The following KCTD8 variants were observed in gnomAD, a reference collection of about 807,000 sequenced individuals.
KCTD8 encodes BTB/POZ domain-containing protein KCTD8.
In KCTD8, 27 loss-of-function variants were observed where a neutral mutation model predicts 31.5. The ratio of observed to expected loss-of-function variants is 0.86; its 90% confidence interval spans 0.63 to 1.18. The LOEUF is 1.18. Among genes scored for constraint, KCTD8 ranks in the 50% most tolerant of loss-of-function variants. KCTD8 has a pLI of 0.00. For synonymous variants in KCTD8, 290 were observed against 280.0 expected, an observed-to-expected ratio of 1.04 and a Z score of -0.36; for missense variants, 658 against 647.7, an observed-to-expected ratio of 1.02 and a Z score of -0.17.
chr4:44,235,578 T>TGAG, intron 1 of KCTD8, among the ~76,000 whole-genome samples: 1 of 64,120 alleles, frequency 1.6e-5, no homozygotes, highest in Non-Finnish European at 3.3e-5. Context: ...TATATATATT[T>TGAG]AGAGAGAGAG....
At chr4:44,205,523 G>A (rs1425812491) in intron 1 of KCTD8, among the ~76,000 whole-genome samples, 1 of 151,806 alleles carries the variant, frequency 6.6e-6, no homozygotes, top group African/African-American at 2.4e-5. Flanking sequence ...TGTACTGGAA[G>A]TAACTGTAAA....
chr4:44,216,884 C>G (rs1714665110), intron 1 of KCTD8, among the ~76,000 whole-genome samples: 1 of 151,964 alleles, frequency 6.6e-6, no homozygotes, highest in Admixed American at 6.6e-5. Context: ...CTATACACTT[C>G]AAAAGTTAAT....
intron 1 of KCTD8, among the ~76,000 whole-genome samples, chr4:44,302,641 A>G (rs1163409628): frequency 2.0e-5 from 3 of 151,894 alleles, no homozygotes; most frequent in Non-Finnish European, 2.9e-5. Flanking sequence ...GGTTTTCTAG[A>G]TATACAATCA....
intron 1 of KCTD8, among the ~76,000 whole-genome samples, chr4:44,281,348 T>C (rs1225282000): frequency 6.6e-6 from 1 of 152,148 alleles, no homozygotes; most frequent in African/African-American, 2.4e-5. Flanking sequence ...ATGGCTTCCA[T>C]TTCATAAAGT....
At chr4:44,211,677 T>C (rs1046143196) in intron 1 of KCTD8, among the ~76,000 whole-genome samples, 4 of 152,136 alleles carry the variant, frequency 2.6e-5, no homozygotes, top group African/African-American at 9.6e-5. Context: ...CTGTAGAGTA[T>C]ATCATGAGTA....
At chr4:44,321,091 G>A (rs1210376806) in intron 1 of KCTD8, among the ~76,000 whole-genome samples, 1 of 152,104 alleles carries the variant, frequency 6.6e-6, no homozygotes, top group Non-Finnish European at 1.5e-5. Flanking sequence ...ACCATCCTAG[G>A]TGAATACTTT....
At chr4:44,187,791 A>T (rs1490327798) in intron 1 of KCTD8, among the ~76,000 whole-genome samples, 3 of 152,098 alleles carry the variant, frequency 2.0e-5, no homozygotes, top group African/African-American at 7.2e-5. Context: ...CTGTTAATAT[A>T]GGTTGGGGGT....
At chr4:44,227,445 G>A (rs1050759682) in intron 1 of KCTD8, among the ~76,000 whole-genome samples, 2 of 151,908 alleles carry the variant, frequency 1.3e-5, no homozygotes, top group African/African-American at 4.8e-5. Context: ...GACATATCAG[G>A]GTAGTATGAT....
chr4:44,189,786 T>C lies in KCTD8; in HGVS notation c.962-14536A>G, dbSNP rs543432965. Among the ~76,000 whole-genome samples, 9 of 152,336 alleles carry C rather than the reference T, an allele frequency of 5.9e-5. No homozygotes were observed. In the South Asian group the frequency reaches 1.4e-3, roughly 25 times the overall value. On this transcript the variant is annotated intron_variant, in intron 1 of 1. Transcript: ENST00000360029. ...CATCGTCTAAACTTCAAAAAAATCA[T>C]GTCAAAAAATAACTTCATTATTCTT... is the stretch of plus-strand genomic sequence containing the variant.
At chr4:44,301,017 T>C (rs1373512235) in intron 1 of KCTD8, among the ~76,000 whole-genome samples, 1 of 151,880 alleles carries the variant, frequency 6.6e-6, no homozygotes, top group African/African-American at 2.4e-5. Flanking sequence ...ATTTCCAATT[T>C]CATCCATGTC....
At chr4:44,302,427 C>G (rs895412708) in intron 1 of KCTD8, among the ~76,000 whole-genome samples, 2 of 152,084 alleles carry the variant, frequency 1.3e-5, no homozygotes, top group African/African-American at 4.8e-5. Context: ...TTGAAGAGGT[C>G]CTTCACGTCC....
chr4:44,204,173 G>C (rs969764875), intron 1 of KCTD8, among the ~76,000 whole-genome samples: 1 of 151,848 alleles, frequency 6.6e-6, no homozygotes, highest in African/African-American at 2.4e-5. Context: ...TTTAAAAATA[G>C]TAAACAAGAA....
chr4:44,338,943 T>A (rs1207393494), intron 1 of KCTD8, among the ~76,000 whole-genome samples: 1 of 152,118 alleles, frequency 6.6e-6, no homozygotes, highest in Non-Finnish European at 1.5e-5. Flanking sequence ...AGATTAGGCC[T>A]TTTCTGAACA....
rs117619460 is a variant in KCTD8 at position 44,410,359 on chromosome 4, T to C, written c.961+37204A>G. 2.6e-5 allele frequency among the ~76,000 whole-genome samples: 4 copies of C among 152,268 alleles called. No individual in the cohort carries two copies. In the East Asian group the frequency reaches 7.7e-4, roughly 29 times the overall value. On this transcript the variant is annotated intron_variant, in intron 1 of 1. Transcript: ENST00000360029. Reference sequence around the variant, plus strand: ...ATAAACACATATTAAACTCTTTCTATTATAAAAACTGCATTATATTCTTCA... The same window carrying C: ...ATAAACACATATTAAACTCTTTCTACTATAAAAACTGCATTATATTCTTCA...
intron 1 of KCTD8, among the ~76,000 whole-genome samples, chr4:44,248,810 C>T (rs557541369): frequency 3.8e-4 from 58 of 151,936 alleles, no homozygotes; most frequent in African/African-American, 1.3e-3. Context: ...ACCAAGTTGC[C>T]ATCAGCCTGG....
At chr4:44,324,044 TAA>T (rs34203587) in intron 1 of KCTD8, among the ~76,000 whole-genome samples, 25 of 117,254 alleles carry the variant, frequency 2.1e-4, no homozygotes, top group South Asian at 5.0e-4. Context: ...AAAGTATAAT[TAA>T]AAAAAAAAAA....
chr4:44,190,975 T>C (rs761251977), intron 1 of KCTD8, among the ~76,000 whole-genome samples: 2 of 152,226 alleles, frequency 1.3e-5, no homozygotes, highest in Non-Finnish European at 2.9e-5. Flanking sequence ...GTGCTGTTTG[T>C]ATTTGTTATT....
At chr4:44,335,339 C>T (rs1000614280) in intron 1 of KCTD8, among the ~76,000 whole-genome samples, 1 of 151,800 alleles carries the variant, frequency 6.6e-6, no homozygotes, top group Non-Finnish European at 1.5e-5. Flanking sequence ...ATTTCATCTA[C>T]CAATTTTATA....
chr4:44,336,408 T>C (rs957733838), intron 1 of KCTD8, among the ~76,000 whole-genome samples: 1 of 151,472 alleles, frequency 6.6e-6, no homozygotes, highest in Non-Finnish European at 1.5e-5. Flanking sequence ...AATTAGAAAA[T>C]CAAGAATAAA....
Sources: allele counts gnomAD v4.1 joint callset (sites outside exome capture counted in the v4.1 genomes callset), GRCh38; gene constraint gnomAD v4.1.1; transcripts MANE v1.5; gene names NCBI Gene and HGNC (gene_info 2026-07-23, HGNC 2026-07-21).